Variants in KIDINS220 observed in about 807,000 individuals in gnomAD.
The protein encoded by KIDINS220 is kinase D-interacting substrate of 220 kDa.
A neutral mutation model predicts 157.6 loss-of-function variants in KIDINS220; 63 were observed. That is an observed-to-expected ratio of 0.40 (90% confidence interval 0.33 to 0.49). KIDINS220 has a LOEUF of 0.49. Among genes scored for constraint, KIDINS220 ranks in the 20% least tolerant of loss-of-function variants. The pLI, the probability that KIDINS220 is intolerant of heterozygous loss-of-function variation, is 0.66. For synonymous variants in KIDINS220, 732 were observed against 783.6 expected, an observed-to-expected ratio of 0.93 and a Z score of 1.10; for missense variants, 1,772 against 2,171.2, an observed-to-expected ratio of 0.82 and a Z score of 3.65.
chr2:8,788,747 T>G lies in KIDINS220; in HGVS notation c.1687A>C (p.Arg563=). 6.2e-7 allele frequency: 1 copy of G among 1,614,140 alleles called. No homozygotes were observed. The highest frequency in any genetic ancestry group is 8.5e-7 in the Non-Finnish European group (1 of 1,179,964). The part of the protein sequence containing the change: ...SWNWAWVLST[R]LARHIGYLEL... ...AAATATCCAATATGTCTTGCCAATC[T>G]AGTGCTGAGGACCCAGGCCCAATTC... The change falls in exon 15 of 30, where the codon AGA becomes CGA. Residue 563 remains arginine (R), a synonymous_variant. Coordinates refer to ENST00000256707, the MANE Select transcript of KIDINS220 (RefSeq NM_020738.4).
chr2:8,777,040 T>C, intron 20 of KIDINS220, 148 bp from the exon 21 acceptor site: 1 of 787,796 alleles, frequency 1.3e-6, no homozygotes, highest in Non-Finnish European at 2.0e-6. Context: ...AATTATTATC[T>C]GTGAGGTAGA....
At chr2:8,794,877 T>G (rs981101263) in intron 11 of KIDINS220, among the ~76,000 whole-genome samples, 3 of 152,186 alleles carry the variant, frequency 2.0e-5, no homozygotes, top group Non-Finnish European at 4.4e-5. Flanking sequence ...CTTTTCATCT[T>G]CTAGACTCTC....
intron 26 of KIDINS220, chr2:8,737,335 G>T: frequency 1.2e-5 from 2 of 170,854 alleles, no homozygotes; most frequent in Non-Finnish European, 2.5e-5. Flanking sequence ...GAAGAAGAGA[G>T]GTTAAAAAAA....
In KIDINS220 at chr2:8,746,829, C is replaced by G. The variant is rs1327622767; in HGVS notation, c.3585+316G>C. ...GTCAAAGGCAAAGCTAGAGCTCACACTGAGGAGCAAATACTACCAACGGAA... is the reference window on the plus strand; with the variant it reads ...GTCAAAGGCAAAGCTAGAGCTCACAGTGAGGAGCAAATACTACCAACGGAA... On this transcript the variant is annotated intron_variant, in intron 26 of 29. Transcript: ENST00000256707. The G allele has an allele frequency of 1.1e-5, 3 of 281,078 alleles. No homozygotes were observed. The Admixed American group carries it at 1.5e-4, about 14-fold the overall frequency. 17.4% of individuals were successfully genotyped at this position (281,078 alleles called of 1,614,324 possible).
chr2:8,798,042 C>T (rs1008232974), intron 10 of KIDINS220, among the ~76,000 whole-genome samples, 160 bp downstream of exon 10: 8 of 152,202 alleles, frequency 5.3e-5, no homozygotes, highest in African/African-American at 1.9e-4. Context: ...TATGAATACA[C>T]AAATCCTGAA....
Position 8,789,862 on chromosome 2 carries a change from T to A in KIDINS220, c.1621+18A>T. 6.5e-7 allele frequency: 1 copy of A among 1,548,510 alleles called. No homozygotes were observed. Among genetic ancestry groups the A allele is most frequent in the Non-Finnish European group, 8.7e-7 (1 of 1,148,702 alleles). ...ACGTTTTCTCCATTTTTGAAAAAGA[T>A]AAAAAGCAAAGACTTACTAAAGAAT... is the stretch of plus-strand genomic sequence containing the variant. On this transcript the variant is annotated intron_variant, in intron 14 of 29. Transcript: ENST00000256707.
intron 28 of KIDINS220, 111 bp downstream of exon 28, chr2:8,734,544 T>C: frequency 1.5e-6 from 1 of 656,160 alleles, no homozygotes; most frequent in South Asian, 2.6e-5. Flanking sequence ...ATGAAAAAAA[T>C]ACCAGTTTAG....
chr2:8,745,846 A>G (rs1666480305), intron 26 of KIDINS220, among the ~76,000 whole-genome samples: 1 of 152,214 alleles, frequency 6.6e-6, no homozygotes, highest in African/African-American at 2.4e-5. Flanking sequence ...TAAGTTAAAA[A>G]TTACAGATAA....
intron 13 of KIDINS220, among the ~76,000 whole-genome samples, chr2:8,790,621 A>G (rs76783272): frequency 0.035 from 5,339 of 152,224 alleles, 306 homozygotes; most frequent in African/African-American, 0.12. Context: ...TCCTTGAAGA[A>G]TAAGTAAGCT....
In KIDINS220 at chr2:8,751,551, C is replaced by G. The variant is rs756745239; in HGVS notation, c.3105G>C (p.Arg1035Ser). Residue 1035 changes from arginine (R) to serine (S), a missense_variant, in exon 23 of 30, where the codon AGG becomes AGC. Arg to Ser is a moderately radical substitution (Grantham distance 110). Coordinates refer to ENST00000256707, the MANE Select transcript of KIDINS220 (RefSeq NM_020738.4). ...CATCTCGAGCCACAAGAACTGGGGT[C>G]CTTGAAGACAAAAACACTTCAAAAT... is the stretch of plus-strand genomic sequence containing the variant. ...IRNFEVFLSS[R>S]TPVLVARDVK... 6.2e-7 allele frequency: 1 copy of G among 1,613,232 alleles called. No homozygotes were observed. The highest frequency in any genetic ancestry group is 8.5e-7 in the Non-Finnish European group (1 of 1,179,338).
chr2:8,829,212 T>C (rs571193719), intron 1 of KIDINS220, among the ~76,000 whole-genome samples: 12 of 152,344 alleles, frequency 7.9e-5, no homozygotes, highest in African/African-American at 2.9e-4. Context: ...TTTGGCGAGT[T>C]AATGGCTGTT....
chr2:8,781,153 A>ATATATAATATAT (rs70946383), intron 17 of KIDINS220, among the ~76,000 whole-genome samples: 2,283 of 130,346 alleles, frequency 0.018, 78 homozygotes, highest in African/African-American at 0.06. Context: ...ATATATATAT[A>ATATATAATATAT]ATATATATAT....
intron 9 of KIDINS220, 159 bp downstream of exon 9, chr2:8,800,241 A>G: frequency 2.0e-6 from 1 of 501,170 alleles, no homozygotes. Flanking sequence ...GAAATTTTAC[A>G]ATAATGGCAG....
rs748538591 is a variant in KIDINS220, at chr2:8,793,862, A to G, written c.1224T>C (p.Tyr408=). ...YRPNKAGETP[Y]NIDCSHQKSI... is the part of the protein sequence containing the mutation. Reference sequence around the variant, plus strand: ...TCTTCTGATGGCTACAGTCAATATTATAAGGAGTCTCGCCTGCTTTGTTGG... The same window carrying G: ...TCTTCTGATGGCTACAGTCAATATTGTAAGGAGTCTCGCCTGCTTTGTTGG... Residue 408 remains tyrosine, a synonymous_variant, in exon 12 of 30, where the codon TAT becomes TAC. Transcript: ENST00000256707. The G allele has an allele frequency of 1.9e-6, 3 of 1,613,420 alleles. No individual in the cohort carries two copies. The highest frequency in any genetic ancestry group is 2.2e-5 in the South Asian group (2 of 90,840).
intron 20 of KIDINS220, 35 bp downstream of exon 20, chr2:8,778,604 T>C: frequency 7.5e-7 from 1 of 1,339,920 alleles, no homozygotes; most frequent in South Asian, 1.2e-5. Flanking sequence ...TGAATAGCAA[T>C]ACAAACATAC....
intron 7 of KIDINS220, among the ~76,000 whole-genome samples, chr2:8,803,514 C>A (rs781686479): frequency 6.6e-6 from 1 of 151,908 alleles, no homozygotes; most frequent in Non-Finnish European, 1.5e-5. Context: ...ATTAAATAAT[C>A]CAAAGTCAGG....
chr2:8,746,916 C>A, intron 26 of KIDINS220: 1 of 474,928 alleles, frequency 2.1e-6, no homozygotes, highest in Non-Finnish European at 3.7e-6. Flanking sequence ...AACCCCATCC[C>A]ATGTATTGAA....
rs1431405021 is a variant in KIDINS220 at position 8,803,081 on chromosome 2, T to C, written c.650A>G (p.Gln217Arg). The change falls in exon 8 of 30, where the codon CAG (glutamine) becomes CGG (arginine). Residue 217 changes from glutamine to arginine, a missense_variant. By Grantham distance (43) the Gln-to-Arg change is conservative. This residue lies in a region of KIDINS220 where 254 missense variants were observed against 268.6 expected (regional missense o/e 0.95). Coordinates refer to ENST00000256707, the MANE Select transcript of KIDINS220 (RefSeq NM_020738.4). ...LIVAVKGGYT[Q>R]SVKEILKRNP... is the part of the protein sequence containing the mutation. ...CCTCTTCAAAATTTCTTTTACTGAC[T>C]GTGTGTAACCTCCTTTCACTGCCAC... The C allele has an allele frequency of 6.2e-7, 1 of 1,612,718 alleles. No individual in the cohort carries two copies.
Position 8,812,493 on chromosome 2 carries a change from A to G in KIDINS220, c.406T>C (p.Tyr136His), listed in dbSNP as rs1297394494. The change falls in exon 6 of 30, where the codon TAC becomes CAC. Residue 136 changes from tyrosine to histidine, a missense_variant and splice_region_variant. Physicochemically the swap from Tyr to His is moderately conservative, Grantham distance 83. Transcript: ENST00000256707. ...HGANPSVTGL[Y>H]SVYPIIWAAG... ...GCCCAAATGATTGGGTAAACACTGT[A>G]CTGCTAGGATAGATTGGTTGGTAGG... The G allele has an allele frequency of 6.4e-7, 1 of 1,570,772 alleles. No individual in the cohort carries two copies. Among genetic ancestry groups the G allele is most frequent in the East Asian group, 2.4e-5 (1 of 42,028 alleles).
Sources: allele counts gnomAD v4.1 joint callset (sites outside exome capture counted in the v4.1 genomes callset), GRCh38; gene constraint gnomAD v4.1.1; regional missense constraint gnomAD v4.1.1; transcripts MANE v1.5; gene names NCBI Gene and HGNC (gene_info 2026-07-23, HGNC 2026-07-21).